Variants in DST observed in about 807,000 individuals in gnomAD.
The protein encoded by DST is dystonin, also known as bullous pemphigoid antigen.
In DST, 253 loss-of-function variants were observed where a neutral mutation model predicts 875.2. The ratio of observed to expected loss-of-function variants is 0.29; its 90% confidence interval spans 0.26 to 0.32. The LOEUF (loss-of-function observed/expected upper bound fraction) is 0.32. Among genes scored for constraint, DST ranks in the 10% least tolerant of loss-of-function variants. The pLI is 1.00. For synonymous variants in DST, 3,124 were observed against 3,197.1 expected, an observed-to-expected ratio of 0.98 and a Z score of 0.77; for missense variants, 8,287 against 9,111.6, an observed-to-expected ratio of 0.91 and a Z score of 3.68.
At chr6:56,629,219 G>A (rs201351273) in intron 32 of DST, 31 bp downstream of exon 32, 2 of 1,606,662 alleles carry the variant, frequency 1.2e-6, no homozygotes, top group Non-Finnish European at 1.7e-6. Flanking sequence ...CATTAAATCT[G>A]TGCTAAAACT....
Position 56,603,604 on chromosome 6 carries a change from T to C in DST, c.10901A>G (p.Asn3634Ser), listed in dbSNP as rs773577548. The change falls in exon 41 of 104, where the codon AAC (asparagine) becomes AGC (serine). Residue 3634 changes from asparagine to serine, a missense_variant. Around this residue, in one of 10 missense-constraint regions of DST, gnomAD observed 3,138 missense variants for 3,116.6 expected, o/e 1.01. Coordinates refer to ENST00000680361, the MANE Select transcript of DST (RefSeq NM_001374736.1). ...TTGATTCTTCAAAGCTTCCAAGTTG[T>C]TATCCAGAGATTCCTGGTTGTCTAA... ...PPLDNQESLD[N>S]NLEALKNQLR... The C allele has an allele frequency of 1.6e-5, 25 of 1,610,370 alleles. No individual in the cohort carries two copies. Among genetic ancestry groups the C allele is most frequent in the South Asian group, 1.5e-4 (14 of 90,882 alleles).
intron 1 of DST, 37 bp from the exon 2 acceptor site, chr6:56,953,856 T>C (rs1823693616): frequency 1.5e-6 from 2 of 1,294,630 alleles, no homozygotes; most frequent in Non-Finnish European, 1.0e-6. Context: ...TTCATTTAAC[T>C]CCTTGTTCTT....
At chr6:56,657,234 CT>C (rs1483578792) in intron 10 of DST, among the ~76,000 whole-genome samples, 2 of 152,110 alleles carry the variant, frequency 1.3e-5, no homozygotes, top group Non-Finnish European at 2.9e-5. Flanking sequence ...AAACATGCTA[CT>C]GCCTTATGCC....
At chr6:56,856,263 G>C (rs556627354) in intron 3 of DST, among the ~76,000 whole-genome samples, 2 of 152,146 alleles carry the variant, frequency 1.3e-5, no homozygotes, top group Non-Finnish European at 2.9e-5. Flanking sequence ...ATTGGATGCC[G>C]CCCAGCCTTA....
chr6:56,705,165 C>T (rs190524559), intron 5 of DST, among the ~76,000 whole-genome samples: 2 of 152,194 alleles, frequency 1.3e-5, no homozygotes, highest in Non-Finnish European at 2.9e-5. Context: ...TTGTGTTGGA[C>T]AGACAAATGT....
In DST at chr6:56,626,543, C is replaced by T. The variant is rs921929670; in HGVS notation, c.4722+661G>A. On this transcript the variant is annotated intron_variant, in intron 34 of 103. Coordinates refer to ENST00000680361, the MANE Select transcript of DST (RefSeq NM_001374736.1). ...TGTAACATGTAGGTTTATGTGAGTA[C>T]ACTCTACAATGTTCGCACAATGAAA... 2.6e-5 allele frequency among the ~76,000 whole-genome samples: 4 copies of T among 152,234 alleles called. No individual in the cohort carries two copies. The East Asian group carries it at 7.7e-4, about 29-fold the overall frequency.
chr6:56,934,026 C>CAT (rs1181166473), intron 2 of DST, among the ~76,000 whole-genome samples: 2 of 151,918 alleles, frequency 1.3e-5, no homozygotes, highest in Non-Finnish European at 2.9e-5. Flanking sequence ...ATTTTATATA[C>CAT]ATATATATAT....
intron 3 of DST, among the ~76,000 whole-genome samples, chr6:56,853,674 A>G (rs1425734191): frequency 6.6e-6 from 1 of 152,164 alleles, no homozygotes; most frequent in African/African-American, 2.4e-5. Flanking sequence ...TGATTTTTGT[A>G]GAGTAAATTT....
chr6:56,482,853 T>C lies in DST; in HGVS notation c.21232A>G (p.Arg7078Gly). The C allele has an allele frequency of 6.4e-7, 1 of 1,570,232 alleles. No homozygotes were observed. The highest frequency in any genetic ancestry group is 1.2e-5 in the South Asian group (1 of 84,032). ...HKAFQKELGK[R>G]TSSVQALKRS... ...TTCAGGGCCTGCACACTGCTGGTCC[T>C]CTTCCCCAACTCTTTTTGGAAGGCC... The change falls in exon 89 of 104, where the codon AGG becomes GGG. Residue 7078 changes from arginine to glycine, a missense_variant. By Grantham distance (125) the Arg-to-Gly change is moderately radical. This residue lies in a region of DST where 1,292 missense variants were observed against 1,552.7 expected (regional missense o/e 0.83). Transcript: ENST00000680361.
rs1200563822 is a variant in DST, at chr6:56,561,529, C to T, written c.14089G>A (p.Asp4697Asn). Reference sequence around the variant, plus strand: ...TAACCATGACTTATGTCAGTCATGTCCTTTTTAATGGATGTTAAACCTAGG... The same window carrying T: ...TAACCATGACTTATGTCAGTCATGTTCTTTTTAATGGATGTTAAACCTAGG... ...ANKGLTSIKK[D>N]MTDISHGYED... The change falls in exon 57 of 104, where the codon GAC becomes AAC. Residue 4697 changes from aspartate to asparagine, a missense_variant. Physicochemically the swap from Asp to Asn is conservative, Grantham distance 23 (BLOSUM62 1). Around this residue, in one of 10 missense-constraint regions of DST, gnomAD observed 1,513 missense variants for 1,677.8 expected, o/e 0.90. Transcript: ENST00000680361. 20 of 1,613,056 alleles carry T rather than the reference C, an allele frequency of 1.2e-5. No individual in the cohort carries two copies. The highest frequency in any genetic ancestry group is 1.6e-5 in the Non-Finnish European group (19 of 1,179,416).
chr6:56,551,684 A>G (rs1355317935), intron 61 of DST, among the ~76,000 whole-genome samples: 1 of 152,238 alleles, frequency 6.6e-6, no homozygotes, highest in Non-Finnish European at 1.5e-5. Flanking sequence ...TTAATGAAAC[A>G]GATTACAACA....
At chr6:56,906,209 G>A (rs77611934) in intron 2 of DST, among the ~76,000 whole-genome samples, 282 of 152,262 alleles carry the variant, frequency 1.9e-3, no homozygotes, top group Non-Finnish European at 2.7e-3. Flanking sequence ...GTGTACAAGG[G>A]TTCCAATTTC....
At chr6:56,939,745 C>T (rs1268625138) in intron 2 of DST, among the ~76,000 whole-genome samples, 1 of 151,932 alleles carries the variant, frequency 6.6e-6, no homozygotes, top group Non-Finnish European at 1.5e-5. Context: ...AAATAAGCAG[C>T]CGGGCGTGGT....
At chr6:56,841,939 C>T (rs561288732) in intron 4 of DST, among the ~76,000 whole-genome samples, 1 of 152,198 alleles carries the variant, frequency 6.6e-6, no homozygotes, top group South Asian at 2.1e-4. Flanking sequence ...AGAGTCTTGG[C>T]ACAAAGGAAT....
chr6:56,572,016 TCA>T, intron 53 of DST, 82 bp downstream of exon 53: 1 of 709,464 alleles, frequency 1.4e-6, no homozygotes, highest in Non-Finnish European at 2.0e-6. Context: ...CAAAATTGTT[TCA>T]GTTATCTATA....
At position 56,608,556 on chromosome 6, in the gene DST, G is replaced by A; in HGVS notation, c.6072C>T (p.Ile2024=). The change falls in exon 40 of 104, where the codon ATC becomes ATT. Residue 2024 remains isoleucine (I), a synonymous_variant. Coordinates refer to ENST00000680361, the MANE Select transcript of DST (RefSeq NM_001374736.1). ...GVIDRDTASS[I]LTYQVQTGGI... is the part of the protein sequence containing the mutation. ...CACCAGTTTGAACCTGATATGTGAG[G>A]ATACTGCTAGCAGTGTCCCTGTCAA... 2 of 1,613,458 alleles carry A rather than the reference G, an allele frequency of 1.2e-6. No homozygotes were observed. The highest frequency in any genetic ancestry group is 1.7e-6 in the Non-Finnish European group (2 of 1,179,716).
chr6:56,916,778 T>TCTCTCTCACACACA (rs1470233953), intron 2 of DST, among the ~76,000 whole-genome samples: 12 of 91,340 alleles, frequency 1.3e-4, no homozygotes, highest in African/African-American at 5.1e-4. Flanking sequence ...TCTCTCTCTC[T>TCTCTCTCACACACA]CACACACACA....
intron 12 of DST, among the ~76,000 whole-genome samples, chr6:56,650,530 T>C (rs570936753): frequency 2.0e-5 from 3 of 152,300 alleles, no homozygotes; most frequent in East Asian, 3.9e-4. Context: ...ACTTATTTCA[T>C]AGAATCGTAT....
chr6:56,515,359 A>T (rs943221998), intron 72 of DST, 91 bp downstream of exon 72: 1 of 1,401,356 alleles, frequency 7.1e-7, no homozygotes, highest in African/African-American at 1.4e-5. Context: ...TGCCTTAATC[A>T]TGTAAGTGTT....
Sources: allele counts gnomAD v4.1 joint callset (sites outside exome capture counted in the v4.1 genomes callset), GRCh38; gene constraint gnomAD v4.1.1; regional missense constraint gnomAD v4.1.1; transcripts MANE v1.5; gene names NCBI Gene and HGNC (gene_info 2026-07-23, HGNC 2026-07-21).